The following PDXK variants were observed in gnomAD, a reference collection of about 807,000 sequenced individuals.
PDXK encodes the protein pyridoxal kinase.
Under a neutral mutation model 43.2 loss-of-function variants are expected in PDXK, and 15 were observed. The observed-to-expected ratio is 0.35, with a 90% CI of 0.23 to 0.53. The LOEUF (loss-of-function observed/expected upper bound fraction) is 0.53. Among genes scored for constraint, PDXK ranks in the 20% least tolerant of loss-of-function variants. The probability of loss-of-function intolerance (pLI) is 0.92; values close to 1 mark genes in which losing one functional copy is unlikely to be tolerated. For missense variants in PDXK, 343 were observed against 417.0 expected, an observed-to-expected ratio of 0.82 and a Z score of 1.54; for synonymous variants, 172 against 165.4, an observed-to-expected ratio of 1.04 and a Z score of -0.31.
intron 2 of PDXK, chr21:43,741,002 T>G (rs1335459442): frequency 6.7e-6 from 1 of 149,558 alleles, no homozygotes; most frequent in Non-Finnish European, 1.5e-5. Flanking sequence ...GCCAGGGGCC[T>G]TCCGGACAGC....
rs1162053336 is a variant in PDXK at position 43,743,791 on chromosome 21, C to T, written c.315C>T (p.Asn105=). The part of the protein sequence containing the change: ...VDIVQELKQQ[N]PRLVYVCDPV... ...TTGTGCAGGAGCTGAAGCAGCAGAA[C>T]CCCAGGCTGGTGTACGGTAGGCAGG... Residue 105 remains asparagine (N), a synonymous_variant, in exon 4 of 11, where the codon AAC becomes AAT. Coordinates refer to ENST00000291565, the MANE Select transcript of PDXK (RefSeq NM_003681.5). 1 of 1,612,992 alleles carries T rather than the reference C, an allele frequency of 6.2e-7. No homozygotes were observed. Among genetic ancestry groups the T allele is most frequent in the East Asian group, 2.2e-5 (1 of 44,866 alleles).
chr21:43,723,670 C>T lies in PDXK; in HGVS notation c.87+4289C>T, dbSNP rs997941063. ...CACAGCTGTGAGTCTCCAAACTGGG[C>T]TGTGCAGAGATTGTCCCAAGCACGT... On this transcript the variant is annotated intron_variant, in intron 1 of 10. Transcript: ENST00000291565. This position sits in a 1 kb window ranked among gnomAD's most constrained non-coding sequence, Gnocchi z 4.1. 6.6e-6 allele frequency: 1 copy of T among 152,292 alleles called. No homozygotes were observed. The highest frequency in any genetic ancestry group is 1.5e-5 in the Non-Finnish European group (1 of 68,078). The allele number at this position is 152,292 out of a possible 1,614,324, so 9.4% of individuals were successfully genotyped here. A position where few individuals can be genotyped will look rare whatever the true frequency, so the allele number is the denominator to read the frequency against.
At chr21:43,719,663 C>G in intron 1 of PDXK, 1 of 985,328 alleles carries the variant, frequency 1.0e-6, no homozygotes, top group East Asian at 1.1e-4. Context: ...GGCGCAGCCG[C>G]TCGTCCTCGC....
rs562154224 is a variant in PDXK at position 43,756,078 on chromosome 21, G to T, written c.*15G>T. 2 of 1,456,954 alleles carry T rather than the reference G, an allele frequency of 1.4e-6. No individual in the cohort carries two copies. The highest frequency in any genetic ancestry group is 1.4e-5 in the African/African-American group (1 of 71,930). 90.3% of individuals were successfully genotyped at this position (1,456,954 alleles called of 1,614,324 possible). A position where few individuals can be genotyped will look rare whatever the true frequency, so the allele number is the denominator to read the frequency against. ...CGGTGCTGTGAGGGCCCCGCCGCTT[G>T]CCCGTGACACGCAGCGCGTTGGTGT... is the stretch of plus-strand genomic sequence containing the variant. On this transcript the variant is annotated 3_prime_UTR_variant, in exon 11 of 11. Transcript: ENST00000291565.
rs1569001708 is a variant in PDXK at position 43,761,820 on chromosome 21, A to AG, written c.*5759dup. 6.5e-6 allele frequency: 1 copy of AG among 152,836 alleles called. No individual in the cohort carries two copies. Among genetic ancestry groups the AG allele is most frequent in the Non-Finnish European group, 1.5e-5 (1 of 68,066 alleles). 9.5% of individuals were successfully genotyped at this position (152,836 alleles called of 1,614,324 possible). On this transcript the variant is annotated 3_prime_UTR_variant, in exon 11 of 11. Coordinates refer to ENST00000291565, the MANE Select transcript of PDXK (RefSeq NM_003681.5). ...GCTCGAGCCGTCATAGGTCCCCATGAGGTGTCTGAAGCCCCTTCTTGGTGA... is the reference window on the plus strand; with the variant it reads ...GCTCGAGCCGTCATAGGTCCCCATGAGGGTGTCTGAAGCCCCTTCTTGGTGA...
intron 9 of PDXK, chr21:43,755,368 C>T (rs569129433): frequency 5.3e-5 from 17 of 323,454 alleles, no homozygotes; most frequent in Middle Eastern, 9.3e-4. Flanking sequence ...CTTGTAGACT[C>T]GTTATAAGGA....
intron 1 of PDXK, among the ~76,000 whole-genome samples, chr21:43,721,289 C>T (rs944349073): frequency 6.6e-6 from 1 of 152,240 alleles, no homozygotes; most frequent in Non-Finnish European, 1.5e-5. Flanking sequence ...GGGACGTGTC[C>T]CCAAAGTCTA....
At position 43,753,914 on chromosome 21, in the gene PDXK, T is replaced by C. The variant is rs527948589; in HGVS notation, c.759+195T>C. Among the ~76,000 whole-genome samples the C allele has an allele frequency of 4.6e-5, 7 of 152,280 alleles. No homozygotes were observed. The East Asian group carries it at 1.4e-3, about 29-fold the overall frequency. On this transcript the variant is annotated intron_variant, in intron 9 of 10. Transcript: ENST00000291565. ...TGTCACTCTCACATCGCCTCCCATC[T>C]CCCCTTATTTGGGACCTAGGGATGA...
intron 2 of PDXK, among the ~76,000 whole-genome samples, chr21:43,740,327 G>A (rs1320866927): frequency 6.6e-6 from 1 of 152,128 alleles, no homozygotes; most frequent in African/African-American, 2.4e-5. Flanking sequence ...GAATTCAGGG[G>A]ATCTTAGCCA....
At chr21:43,727,173 T>C (rs931526726) in intron 1 of PDXK, among the ~76,000 whole-genome samples, 5 of 152,206 alleles carry the variant, frequency 3.3e-5, no homozygotes, top group African/African-American at 1.2e-4. Flanking sequence ...TTGTGGCTTG[T>C]TGGCCTTGGT....
In PDXK at chr21:43,754,635, G is replaced by A. The variant is rs2083814760; in HGVS notation, c.759+916G>A. The stretch of plus-strand genomic sequence containing the variant: ...CCCACTGCGTCCGCAGTGGGTTCAG[G>A]TGGGAGGGAGGGGCCTGCCATCCCT... On this transcript the variant is annotated intron_variant, in intron 9 of 10. Transcript: ENST00000291565. The surrounding 1 kb of genome is among the most constrained non-coding windows in gnomAD (Gnocchi z 5.5). Among the ~76,000 whole-genome samples the A allele has an allele frequency of 6.6e-6, 1 of 152,168 alleles. No homozygotes were observed. Among genetic ancestry groups the A allele is most frequent in the Non-Finnish European group, 1.5e-5 (1 of 68,016 alleles).
At chr21:43,719,593 G>T in intron 1 of PDXK, 1 of 984,880 alleles carries the variant, frequency 1.0e-6, no homozygotes, top group Non-Finnish European at 1.2e-6. Context: ...GGGCCCCTGC[G>T]GGTGGGACGG....
In PDXK at chr21:43,756,053, C is replaced by T. The variant is rs372671985; in HGVS notation, c.929C>T (p.Thr310Met). The change falls in exon 11 of 11, where the codon ACG becomes ATG. Residue 310 changes from threonine to methionine, a missense_variant. Physicochemically the swap from Thr to Met is moderately conservative, Grantham distance 81. Transcript: ENST00000291565. ...GACCCAGAGATCGTCGTCCAGGCCACGGTGCTGTGAGGGCCCCGCCGCTTG... is the reference window on the plus strand; with the variant it reads ...GACCCAGAGATCGTCGTCCAGGCCATGGTGCTGTGAGGGCCCCGCCGCTTG... ...IEDPEIVVQA[T>M]VL 19 of 1,604,288 alleles carry T rather than the reference C, an allele frequency of 1.2e-5. No homozygotes were observed. The highest frequency in any genetic ancestry group is 1.0e-4 in the South Asian group (9 of 90,278).
chr21:43,752,642 A>C lies in PDXK; in HGVS notation c.622+13A>C. The C allele has an allele frequency of 6.6e-7, 1 of 1,503,942 alleles. No homozygotes were observed. The highest frequency in any genetic ancestry group is 9.3e-7 in the Non-Finnish European group (1 of 1,080,618). The allele number at this position is 1,503,942 out of a possible 1,614,324, so 93.2% of individuals were successfully genotyped here. A position where few individuals can be genotyped will look rare whatever the true frequency, so the allele number is the denominator to read the frequency against. On this transcript the variant is annotated intron_variant, in intron 8 of 10. Coordinates refer to ENST00000291565, the MANE Select transcript of PDXK (RefSeq NM_003681.5). ...AGTCAGAGGAGGAGTAAGTGCCCCC[A>C]TCGTGCACCGTGGCCGCCTCTGCTC...
At chr21:43,721,511 G>A (rs2083206103) in intron 1 of PDXK, among the ~76,000 whole-genome samples, 1 of 152,256 alleles carries the variant, frequency 6.6e-6, no homozygotes, top group Admixed American at 6.5e-5. Flanking sequence ...GGCGGCTGGA[G>A]AGGCGCCTTA....
rs749207501 is a variant in PDXK, at chr21:43,759,149, G to A, written c.*3086G>A. The A allele has an allele frequency of 6.6e-6, 1 of 152,344 alleles. No homozygotes were observed. The highest frequency in any genetic ancestry group is 1.5e-5 in the Non-Finnish European group (1 of 68,042). 9.4% of individuals were successfully genotyped at this position (152,344 alleles called of 1,614,324 possible). On this transcript the variant is annotated 3_prime_UTR_variant, in exon 11 of 11. Coordinates refer to ENST00000291565, the MANE Select transcript of PDXK (RefSeq NM_003681.5). ...GGGGTAACAGTCCCCACCGCTACCCGAGGTAAAACAATAAAAGCTATGTGG... is the reference window on the plus strand; with the variant it reads ...GGGGTAACAGTCCCCACCGCTACCCAAGGTAAAACAATAAAAGCTATGTGG...
At chr21:43,743,871 G>A in intron 4 of PDXK, 64 bp downstream of exon 4, 1 of 1,157,210 alleles carries the variant, frequency 8.6e-7, no homozygotes, top group Non-Finnish European at 1.3e-6. Context: ...TGGCCTGGGA[G>A]CCCGGGAAGG....
At chr21:43,736,782 A>G (rs1601800987) in intron 2 of PDXK, among the ~76,000 whole-genome samples, 1 of 151,680 alleles carries the variant, frequency 6.6e-6, no homozygotes, top group Non-Finnish European at 1.5e-5. Context: ...ACAGGTGTGC[A>G]CCACCACACC....
In PDXK at chr21:43,737,058, G is replaced by A. The variant is rs146201765; in HGVS notation, c.142+2935G>A. 3.2e-4 allele frequency: 237 copies of A among 743,604 alleles called. 1 individual carries two copies. The highest frequency in any genetic ancestry group is 3.0e-3 in the African/African-American group (174 of 58,164). The allele number at this position is 743,604 out of a possible 1,614,324, so 46.1% of individuals were successfully genotyped here. A position where few individuals can be genotyped will look rare whatever the true frequency, so the allele number is the denominator to read the frequency against. ...AGCAATCTTTCTGCCTCCACCTCCCGAGTGGCTGGGACTATAGTTGTGCAC... is the reference window on the plus strand; with the variant it reads ...AGCAATCTTTCTGCCTCCACCTCCCAAGTGGCTGGGACTATAGTTGTGCAC... On this transcript the variant is annotated intron_variant, in intron 2 of 10. Coordinates refer to ENST00000291565, the MANE Select transcript of PDXK (RefSeq NM_003681.5). The surrounding 1 kb of genome is among the most constrained non-coding windows in gnomAD (Gnocchi z 4.8).
Sources: gnomAD v4.1 joint callset for allele counts (sites outside exome capture counted in the v4.1 genomes callset) on GRCh38, gnomAD v4.1.1 for gene constraint, Gnocchi (gnomAD v3.1) non-coding constraint, MANE v1.5 for transcripts, NCBI Gene and HGNC (gene_info 2026-07-23, HGNC 2026-07-21) for gene names.